Variants in TENM1 observed in about 807,000 individuals in gnomAD.
The protein encoded by TENM1 is teneurin transmembrane protein 1, also known as teneurin-1.
Under a neutral mutation model 174.8 loss-of-function variants are expected in TENM1, and 35 were observed. The ratio of observed to expected loss-of-function variants is 0.20; its 90% CI spans 0.15 to 0.27. The LOEUF is 0.27. Ranked by LOEUF, TENM1 falls within the 10% of genes least tolerant of loss-of-function variation. The probability of loss-of-function intolerance (pLI) is 1.00; values close to 1 mark genes in which losing one functional copy is unlikely to be tolerated. For missense variants in TENM1, 1,633 were observed against 2,130.1 expected (o/e 0.77, Z 4.59); for synonymous variants, 781 against 798.7 (o/e 0.98, Z 0.37).
intron 4 of TENM1, among the ~76,000 whole-genome samples, chrX:124,728,037 C>A (rs778016375): frequency 9.1e-6 from 1 of 110,332 alleles, no homozygotes; most frequent in African/African-American, 3.3e-5. Context: ...AACTCTTAAC[C>A]AGTCTTACAG....
chrX:124,588,913 T>G (rs2049640885), intron 11 of TENM1, among the ~76,000 whole-genome samples: 1 of 110,266 alleles, frequency 9.1e-6, no homozygotes, highest in Admixed American at 9.6e-5. Context: ...CTAATTGCTG[T>G]GGCTAGCACT....
At chrX:124,667,630 A>T (rs991343174) in intron 6 of TENM1, among the ~76,000 whole-genome samples, 55 of 109,974 alleles carry the variant, frequency 5.0e-4, no homozygotes, top group Non-Finnish European at 8.3e-4. Context: ...GTAAGACTCT[A>T]ATGTAGTGAG....
chrX:124,827,257 G>C (rs2056186249), intron 3 of TENM1, among the ~76,000 whole-genome samples: 1 of 111,438 alleles, frequency 9.0e-6, no homozygotes, highest in Non-Finnish European at 1.9e-5. Flanking sequence ...CACCATGTTG[G>C]CCAGGCTGGT....
At chrX:124,891,655 C>CA (rs776826752) in intron 3 of TENM1, among the ~76,000 whole-genome samples, 1,320 of 84,136 alleles carry the variant, frequency 0.016, 16 homozygotes, top group Middle Eastern at 0.06. Context: ...AAGACTCTGT[C>CA]AAAAAAAAAA....
At chrX:125,197,980 G>A in the TENM1 span, among the ~76,000 whole-genome samples, 1 of 111,914 alleles carries the variant, frequency 8.9e-6, no homozygotes, top group Middle Eastern at 4.6e-3. Flanking sequence ...TATTGCAAAA[G>A]ACTTGACATG....
chrX:124,804,620 ATTC>A (rs1407924154), intron 3 of TENM1, among the ~76,000 whole-genome samples: 13 of 112,198 alleles, frequency 1.2e-4, no homozygotes, highest in Middle Eastern at 4.6e-3. Context: ...AAGAACGAAA[ATTC>A]TTCTTCCTAA....
At chrX:124,765,042 A>G (rs1190779584) in intron 3 of TENM1, among the ~76,000 whole-genome samples, 2 of 111,575 alleles carry the variant, frequency 1.8e-5, no homozygotes, top group African/African-American at 6.5e-5. Context: ...AAGCTACAGT[A>G]ATCTCTTCTG....
chrX:124,982,270 G>GAAAAAA, the TENM1 span, among the ~76,000 whole-genome samples: 3 of 10,555 alleles, frequency 2.8e-4, no homozygotes, highest in Non-Finnish European at 4.6e-4. Flanking sequence ...AAGAAAATGT[G>GAAAAAA]AAAAAAAAAA....
At chrX:124,830,680 G>A (rs186183274) in intron 3 of TENM1, among the ~76,000 whole-genome samples, 12 of 111,986 alleles carry the variant, frequency 1.1e-4, no homozygotes, top group Non-Finnish European at 1.9e-4. Flanking sequence ...TTACTGGGAT[G>A]CTAGGTAAGT....
chrX:124,795,532 T>C (rs775414076), intron 3 of TENM1, among the ~76,000 whole-genome samples: 50 of 111,784 alleles, frequency 4.5e-4, no homozygotes, highest in Admixed American at 3.9e-3. Flanking sequence ...GTGGTAAATA[T>C]GATGGTAAGT....
chrX:125,199,885 C>T, the TENM1 span, among the ~76,000 whole-genome samples: 101 of 111,264 alleles, frequency 9.1e-4, no homozygotes, highest in Middle Eastern at 0.033. Context: ...TTCCAATTTC[C>T]TCAGCCCTAT....
chrX:124,701,686 A>C (rs2052779250), intron 5 of TENM1, among the ~76,000 whole-genome samples: 1 of 112,225 alleles, frequency 8.9e-6, no homozygotes, highest in Non-Finnish European at 1.9e-5. Flanking sequence ...TCTTCATATA[A>C]TCAGTATTTT....
intron 1 of TENM1, among the ~76,000 whole-genome samples, chrX:124,946,415 A>G (rs1251365563): frequency 8.9e-6 from 1 of 111,766 alleles, no homozygotes; most frequent in East Asian, 2.8e-4. Context: ...ATGAAAGAGG[A>G]TGATCTGACC....
intron 3 of TENM1, among the ~76,000 whole-genome samples, chrX:124,787,572 T>C (rs963169041): frequency 8.9e-6 from 1 of 111,962 alleles, no homozygotes; most frequent in South Asian, 3.7e-4. Context: ...CAACAGGTTA[T>C]CTCTTGTCCC....
At chrX:124,493,767 C>T (rs1029575387) in intron 20 of TENM1, among the ~76,000 whole-genome samples, 2 of 111,339 alleles carry the variant, frequency 1.8e-5, no homozygotes, top group Admixed American at 9.5e-5. Context: ...TGACAAGTCC[C>T]CATGAGGTGT....
intron 9 of TENM1, 122 bp downstream of exon 12, chrX:124,646,587 G>A: frequency 2.1e-6 from 1 of 485,686 alleles, no homozygotes; most frequent in South Asian, 4.0e-5. Flanking sequence ...CAGCCATAGG[G>A]AACACTGCTG....
the TENM1 span, among the ~76,000 whole-genome samples, chrX:125,074,218 C>A: frequency 9.0e-6 from 1 of 110,791 alleles, no homozygotes; most frequent in Admixed American, 9.6e-5. Context: ...CCAAGAGCAG[C>A]CAGAGAAAAG....
intron 10 of TENM1, among the ~76,000 whole-genome samples, chrX:124,644,207 A>ATATATATATATATAAATT (rs1569361660): frequency 6.9e-5 from 7 of 102,166 alleles, no homozygotes; most frequent in African/African-American, 2.5e-4. Context: ...AAATTTACAT[A>ATATATATATATATAAATT]TACATATATA....
At chrX:124,999,834 A>G in the TENM1 span, among the ~76,000 whole-genome samples, 1 of 111,685 alleles carries the variant, frequency 9.0e-6, no homozygotes. Context: ...AGGCCCTCCC[A>G]CTGACCTTGC....
Sources: allele counts gnomAD v4.1 joint callset (sites outside exome capture counted in the v4.1 genomes callset), GRCh38; gene constraint gnomAD v4.1.1; transcripts MANE v1.5; gene names NCBI Gene and HGNC (gene_info 2026-07-23, HGNC 2026-07-21).